The following TECRL variants were observed in gnomAD, a reference collection of about 807,000 sequenced individuals.
TECRL encodes the protein trans-2,3-enoyl-CoA reductase-like.
Under a neutral mutation model 52.8 loss-of-function variants are expected in TECRL, and 63 were observed. That is an observed-to-expected ratio of 1.19 (90% CI 0.97 to 1.47). TECRL has a LOEUF of 1.47. Ranked by LOEUF, TECRL falls within the 40% of genes most tolerant of loss-of-function variation. The pLI is 0.00. For synonymous variants in TECRL, 164 were observed against 141.9 expected, an observed-to-expected ratio of 1.16 and a Z score of -1.10; for missense variants, 482 against 429.6, an observed-to-expected ratio of 1.12 and a Z score of -1.08.
chr4:64,349,430 C>G (rs1217930446), intron 2 of TECRL, among the ~76,000 whole-genome samples: 1 of 152,122 alleles, frequency 6.6e-6, no homozygotes, highest in Non-Finnish European at 1.5e-5. Context: ...CTCCCCCAGC[C>G]TATAAAAACC....
At chr4:64,374,182 A>G (rs1159959774) in intron 2 of TECRL, among the ~76,000 whole-genome samples, 2 of 149,808 alleles carry the variant, frequency 1.3e-5, no homozygotes, top group Admixed American at 1.3e-4. Context: ...AATAAAAAAT[A>G]TCACCTTCCT....
intron 2 of TECRL, among the ~76,000 whole-genome samples, chr4:64,361,220 A>G (rs1372092006): frequency 6.6e-6 from 1 of 152,108 alleles, no homozygotes; most frequent in African/African-American, 2.4e-5. Flanking sequence ...CTCTGCCAGC[A>G]TACACCCACA....
chr4:64,331,954 A>G (rs1265366762), intron 2 of TECRL, among the ~76,000 whole-genome samples: 1 of 152,206 alleles, frequency 6.6e-6, no homozygotes, highest in South Asian at 2.1e-4. Flanking sequence ...CAAACTACAT[A>G]TTCCATCTCA....
chr4:64,368,450 C>CACT (rs1195426147), intron 2 of TECRL, among the ~76,000 whole-genome samples: 1 of 151,922 alleles, frequency 6.6e-6, no homozygotes, highest in African/African-American at 2.4e-5. Context: ...CGCACGCCAC[C>CACT]ACACCCAGCT....
At chr4:64,345,907 C>CAAAAAAAAAAAAAAAAAA (rs777171822) in intron 2 of TECRL, among the ~76,000 whole-genome samples, 515 of 23,340 alleles carry the variant, frequency 0.022, 227 homozygotes, top group Admixed American at 0.029. Context: ...GCCTCAACAG[C>CAAAAAAAAAAAAAAAAAA]AAAAAAAAAA....
chr4:64,352,136 A>G (rs1552210), intron 2 of TECRL, among the ~76,000 whole-genome samples: 102,080 of 151,916 alleles, frequency 0.67, 35,427 homozygotes, highest in Non-Finnish European at 0.76. Context: ...CTGTTTCCTG[A>G]TGTCAAGAAT....
intron 2 of TECRL, among the ~76,000 whole-genome samples, chr4:64,360,500 T>C (rs1377060684): frequency 6.6e-6 from 1 of 152,066 alleles, no homozygotes; most frequent in East Asian, 1.9e-4. Context: ...TAGATAACAT[T>C]AACTTAAAAT....
intron 2 of TECRL, among the ~76,000 whole-genome samples, chr4:64,374,532 G>A (rs1722245268): frequency 6.6e-6 from 1 of 151,886 alleles, no homozygotes; most frequent in African/African-American, 2.4e-5. Flanking sequence ...TTTAGAATTA[G>A]GTATATCTCC....
At chr4:64,315,526 T>C (rs1022692151) in intron 4 of TECRL, among the ~76,000 whole-genome samples, 1 of 152,136 alleles carries the variant, frequency 6.6e-6, no homozygotes, top group African/African-American at 2.4e-5. Context: ...TAATTTACTT[T>C]GGAGTTTTCA....
chr4:64,373,895 T>C (rs2109670976), intron 2 of TECRL, among the ~76,000 whole-genome samples: 1 of 149,360 alleles, frequency 6.7e-6, no homozygotes, highest in African/African-American at 2.4e-5. Context: ...TTATTTTAAG[T>C]AGAAATACAC....
chr4:64,368,633 T>A (rs1242844064), intron 2 of TECRL, among the ~76,000 whole-genome samples: 1 of 152,062 alleles, frequency 6.6e-6, no homozygotes. Flanking sequence ...AGAGGGAGAA[T>A]CTTAGGTACT....
chr4:64,281,157 C>G (rs1227712460), intron 10 of TECRL, 71 bp from the exon 11 acceptor site: 2 of 1,234,970 alleles, frequency 1.6e-6, no homozygotes, highest in Admixed American at 1.9e-5. Context: ...GTGGCTTTAA[C>G]AGGTAATTTT....
rs142293033 is a variant in TECRL, at chr4:64,330,482, G to C, written c.287-1926C>G. On this transcript the variant is annotated intron_variant, in intron 2 of 11. Coordinates refer to ENST00000381210, the MANE Select transcript of TECRL (RefSeq NM_001010874.5). ...ATAATAGGAGTAAAATATATCTCAA[G>C]TAAAAAAGATGTTAATTAATGTTAA... 5.9e-3 allele frequency among the ~76,000 whole-genome samples: 891 copies of C among 152,094 alleles called. 10 individuals are homozygous for C. Among genetic ancestry groups the C allele is most frequent in the African/African-American group, 0.02 (837 of 41,522 alleles).
intron 1 of TECRL, among the ~76,000 whole-genome samples, chr4:64,406,323 C>A (rs1724725335): frequency 6.6e-6 from 1 of 151,786 alleles, no homozygotes; most frequent in Admixed American, 6.6e-5. Flanking sequence ...AACAAAGTTT[C>A]TGTTAGAACA....
At chr4:64,308,828 T>C (rs920326081) in intron 6 of TECRL, among the ~76,000 whole-genome samples, 2 of 152,206 alleles carry the variant, frequency 1.3e-5, no homozygotes, top group African/African-American at 4.8e-5. Flanking sequence ...ATTTGTGATA[T>C]ATGTCAAGTT....
intron 2 of TECRL, among the ~76,000 whole-genome samples, chr4:64,350,532 C>A (rs1416291918): frequency 6.6e-6 from 1 of 151,986 alleles, no homozygotes; most frequent in African/African-American, 2.4e-5. Flanking sequence ...TTATTCTTGG[C>A]AAGTTTTTAT....
intron 6 of TECRL, among the ~76,000 whole-genome samples, chr4:64,309,451 T>C (rs1724536818): frequency 6.6e-6 from 1 of 152,188 alleles, no homozygotes. Flanking sequence ...ACTGCCATAA[T>C]AATGGAATAT....
chr4:64,315,753 A>G (rs1458838521), intron 4 of TECRL, among the ~76,000 whole-genome samples: 1 of 152,140 alleles, frequency 6.6e-6, no homozygotes, highest in Non-Finnish European at 1.5e-5. Context: ...ATATATTCAT[A>G]TGCATATATG....
rs148075230 is a variant in TECRL at position 64,307,481 on chromosome 4, A to C, written c.658-2243T>G. On this transcript the variant is annotated intron_variant, in intron 6 of 11. Transcript: ENST00000381210. ...GGACCCAGAGGATACAAGGACGAGG[A>C]GAGGAGAAAGGAGATGCTTTTTCTC... is the stretch of plus-strand genomic sequence containing the variant. 5.1e-4 allele frequency among the ~76,000 whole-genome samples: 77 copies of C among 152,272 alleles called. 1 individual carries two copies. The highest frequency in any genetic ancestry group is 1.7e-3 in the African/African-American group (71 of 41,564).
Sources: allele counts gnomAD v4.1 joint callset (sites outside exome capture counted in the v4.1 genomes callset), GRCh38; gene constraint gnomAD v4.1.1; transcripts MANE v1.5; gene names NCBI Gene and HGNC (gene_info 2026-07-23, HGNC 2026-07-21).